The following KCNJ6 variants were observed in gnomAD, a reference collection of about 807,000 sequenced individuals.
The protein encoded by KCNJ6 is potassium inwardly rectifying channel subfamily J member 6, also known as G protein-activated inward rectifier potassium channel 2.
Under a neutral mutation model 34.2 loss-of-function variants are expected in KCNJ6, and 9 were observed. The ratio of observed to expected loss-of-function variants is 0.26; its 90% confidence interval spans 0.16 to 0.46. The LOEUF (loss-of-function observed/expected upper bound fraction) is 0.46. Ranked by LOEUF, KCNJ6 falls within the 20% of genes least tolerant of loss-of-function variation. The probability of loss-of-function intolerance (pLI) is 1.00; values close to 1 mark genes in which losing one functional copy is unlikely to be tolerated. For synonymous variants in KCNJ6, 196 were observed against 207.1 expected (o/e 0.95, Z 0.46); for missense variants, 236 against 531.3 (o/e 0.44, Z 5.46).
rs535166637 is a variant in KCNJ6, at chr21:37,826,044, C to T, written c.25+14614G>A. 8.5e-5 allele frequency among the ~76,000 whole-genome samples: 13 copies of T among 152,226 alleles called. No homozygotes were observed. In the South Asian group the frequency reaches 2.7e-3, roughly 32 times the overall value. On this transcript the variant is annotated intron_variant, in intron 2 of 3. Coordinates refer to ENST00000609713, the MANE Select transcript of KCNJ6 (RefSeq NM_002240.5). ...ACCTATCCCCTTCCCCACTGCACCC[C>T]TAACTTGCAGCACTGTGACCCCTTT...
intron 3 of KCNJ6, among the ~76,000 whole-genome samples, chr21:37,685,415 G>C (rs1709802): frequency 1 from 148,756 of 148,760 alleles, 74,376 homozygotes; most frequent in Middle Eastern, 1. Context: ...GGTGCAGTGG[G>C]TCACGCCTGT....
chr21:37,760,533 A>G (rs1033136451), intron 2 of KCNJ6, among the ~76,000 whole-genome samples: 4 of 152,220 alleles, frequency 2.6e-5, no homozygotes, highest in African/African-American at 9.6e-5. Context: ...ATGTAAGTCC[A>G]ACAGCGTGAG....
chr21:37,879,759 C>A (rs943631776), intron 1 of KCNJ6, among the ~76,000 whole-genome samples: 1 of 111,630 alleles, frequency 9.0e-6, no homozygotes, highest in South Asian at 2.9e-4. Context: ...GTGTGTGTGA[C>A]AGAGAGAGAG....
chr21:37,761,605 G>A (rs1010831778), intron 2 of KCNJ6, among the ~76,000 whole-genome samples: 1 of 142,556 alleles, frequency 7.0e-6, no homozygotes, highest in Non-Finnish European at 1.5e-5. Flanking sequence ...TGTGTTGTGT[G>A]TATGTAGTAT....
At chr21:37,744,078 C>CGCATGTT (rs759626333) in intron 2 of KCNJ6, among the ~76,000 whole-genome samples, 2 of 147,360 alleles carry the variant, frequency 1.4e-5, no homozygotes, top group Non-Finnish European at 3.0e-5. Flanking sequence ...AACCAAACAC[C>CGCATGTT]GCATGTTCTC....
At chr21:37,808,361 T>A (rs2055304126) in intron 2 of KCNJ6, among the ~76,000 whole-genome samples, 1 of 152,160 alleles carries the variant, frequency 6.6e-6, no homozygotes, top group African/African-American at 2.4e-5. Flanking sequence ...ATAATCTGCC[T>A]TAAATAAAAG....
chr21:37,842,409 T>C (rs1228936088), intron 1 of KCNJ6, among the ~76,000 whole-genome samples: 2 of 152,248 alleles, frequency 1.3e-5, no homozygotes, highest in Non-Finnish European at 2.9e-5. Context: ...CTTATGACAC[T>C]GTTCTCAAAC....
chr21:37,746,652 G>C (rs771508651), intron 2 of KCNJ6, among the ~76,000 whole-genome samples: 5 of 152,184 alleles, frequency 3.3e-5, no homozygotes, highest in Non-Finnish European at 7.4e-5. Flanking sequence ...TGATTAAACA[G>C]TGGAAAAGAA....
intron 2 of KCNJ6, among the ~76,000 whole-genome samples, chr21:37,788,782 C>T (rs533789651): frequency 1.1e-4 from 16 of 152,296 alleles, no homozygotes; most frequent in Middle Eastern, 3.4e-3. Flanking sequence ...CTGACCTAGA[C>T]GCATGTGTGA....
At chr21:37,750,732 G>T (rs1010065365) in intron 2 of KCNJ6, among the ~76,000 whole-genome samples, 3 of 152,096 alleles carry the variant, frequency 2.0e-5, no homozygotes, top group Non-Finnish European at 4.4e-5. Flanking sequence ...GCCTGTCTAG[G>T]GTGGGGGGCT....
intron 2 of KCNJ6, among the ~76,000 whole-genome samples, chr21:37,810,385 A>G (rs2055316742): frequency 1.3e-5 from 2 of 152,316 alleles, no homozygotes; most frequent in African/African-American, 4.8e-5. Flanking sequence ...CAACTGGTCA[A>G]TTACAGCTTT....
chr21:37,853,848 A>ATG lies in KCNJ6; in HGVS notation c.-27-13140_-27-13139insCA, dbSNP rs2055550345. Among the ~76,000 whole-genome samples the ATG allele has an allele frequency of 4.8e-5, 4 of 83,286 alleles. No individual in the cohort carries two copies. The East Asian group carries it at 1.6e-3, about 34-fold the overall frequency. The allele number at this position is 83,286 out of a possible 152,430, so 54.6% of individuals were successfully genotyped here. A position where few individuals can be genotyped will look rare whatever the true frequency, so the allele number is the denominator to read the frequency against. On this transcript the variant is annotated intron_variant, in intron 1 of 3. Coordinates refer to ENST00000609713, the MANE Select transcript of KCNJ6 (RefSeq NM_002240.5). ...AGTTAAGAGATACATATATATATGT[A>ATG]TATATATATATATAAATTACATTGT...
intron 2 of KCNJ6, among the ~76,000 whole-genome samples, chr21:37,778,893 A>G (rs1163351352): frequency 6.6e-6 from 1 of 151,524 alleles, no homozygotes; most frequent in Non-Finnish European, 1.5e-5. Flanking sequence ...ATCCACACGC[A>G]GCCCTTTTTT....
chr21:37,758,785 C>G (rs568736220), intron 2 of KCNJ6, among the ~76,000 whole-genome samples: 1 of 152,072 alleles, frequency 6.6e-6, no homozygotes, highest in Non-Finnish European at 1.5e-5. Flanking sequence ...TACATGCCAC[C>G]ATGCCTGCCT....
intron 1 of KCNJ6, among the ~76,000 whole-genome samples, chr21:37,881,307 A>G (rs1216894312): frequency 6.6e-6 from 1 of 152,136 alleles, no homozygotes; most frequent in Non-Finnish European, 1.5e-5. Flanking sequence ...AATACAATTG[A>G]CTGGATGGTT....
chr21:37,862,059 C>T (rs1173527535), intron 1 of KCNJ6, among the ~76,000 whole-genome samples: 3 of 152,206 alleles, frequency 2.0e-5, no homozygotes, highest in Non-Finnish European at 2.9e-5. Context: ...GCCTGCTCCT[C>T]AAGCCCCAAG....
At chr21:37,875,691 G>A (rs2055674736) in intron 1 of KCNJ6, among the ~76,000 whole-genome samples, 1 of 152,176 alleles carries the variant, frequency 6.6e-6, no homozygotes, top group Non-Finnish European at 1.5e-5. Context: ...GGCTCAGAAG[G>A]TAGAAGGAAA....
rs189596390 is a variant in KCNJ6 at position 37,836,640 on chromosome 21, C to T, written c.25+4018G>A. ...CATTCTCAGCAAACTAACACGAGAA[C>T]GGGAAACCAAACACTGCATGTTCTC... On this transcript the variant is annotated intron_variant, in intron 2 of 3. Coordinates refer to ENST00000609713, the MANE Select transcript of KCNJ6 (RefSeq NM_002240.5). Among the ~76,000 whole-genome samples the T allele has an allele frequency of 6.6e-5, 10 of 152,192 alleles. No individual in the cohort carries two copies. The East Asian group carries it at 1.5e-3, about 24-fold the overall frequency.
rs934056029 is a variant in KCNJ6 at position 37,620,748 on chromosome 21, A to G, written c.*4411T>C. On this transcript the variant is annotated 3_prime_UTR_variant, in exon 4 of 4. Transcript: ENST00000609713. ...TCATGGTGAATTAGAATGAAATAAG[A>G]TAATTTGTACAAGTGCTCTTAATGC... The G allele has an allele frequency of 2.6e-5, 4 of 152,320 alleles. No homozygotes were observed. The highest frequency in any genetic ancestry group is 9.6e-5 in the African/African-American group (4 of 41,578). The allele number at this position is 152,320 out of a possible 1,614,324, so 9.4% of individuals were successfully genotyped here. A position where few individuals can be genotyped will look rare whatever the true frequency, so the allele number is the denominator to read the frequency against.
Sources: gnomAD v4.1 joint callset for allele counts (sites outside exome capture counted in the v4.1 genomes callset) on GRCh38, gnomAD v4.1.1 for gene constraint, MANE v1.5 for transcripts, NCBI Gene and HGNC (gene_info 2026-07-23, HGNC 2026-07-21) for gene names.